IRGM: variants seen among roughly 807,000 people sequenced by gnomAD.
IRGM encodes immunity related GTPase M, also known as immunity-related GTPase family M protein.
For missense variants in IRGM, 288 were observed against 219.9 expected, an observed-to-expected ratio of 1.31 and a Z score of -1.96; for synonymous variants, 98 against 80.6, an observed-to-expected ratio of 1.22 and a Z score of -1.16.
downstream of IRGM, among the ~76,000 whole-genome samples, chr5:150,852,613 A>G (rs1236617594): frequency 6.6e-6 from 1 of 152,144 alleles, no homozygotes; most frequent in Non-Finnish European, 1.5e-5. Flanking sequence ...TAAGGATGAA[A>G]GCTGGTACCC....
At position 150,848,357 on chromosome 5, in the gene IRGM, T is replaced by G. The variant is rs1451113614; in HGVS notation, c.234T>G (p.Tyr78Ter). The G allele has an allele frequency of 2.6e-6, 4 of 1,551,848 alleles. No individual in the cohort carries two copies. The highest frequency in any genetic ancestry group is 2.4e-5 in the East Asian group (1 of 41,066). The change falls in exon 2 of 2, where the codon TAT becomes TAG. Residue 78 changes from tyrosine (Y) to a stop codon, truncating the protein, a stop_gained. Transcript: ENST00000522154. LOFTEE classifies it low-confidence loss of function (END_TRUNC). ...LVKATQRCAS[Y>*]FSSHFSNVVL... is the part of the protein sequence containing the mutation. ...AAGCTACCCAAAGATGTGCCTCCTA[T>G]TTCTCTTCCCACTTTTCAAATGTGG...
intron 3 of IRGM, among the ~76,000 whole-genome samples, chr5:150,881,605 G>C (rs1458825317): frequency 6.6e-6 from 1 of 152,072 alleles, no homozygotes; most frequent in Non-Finnish European, 1.5e-5. Flanking sequence ...GGTGGTGTGT[G>C]AATCACCTAT....
chr5:150,850,691 C>A (rs74959468), downstream of IRGM, among the ~76,000 whole-genome samples: 5,930 of 152,196 alleles, frequency 0.039, 193 homozygotes, highest in East Asian at 0.18. Flanking sequence ...GTAGCTAGGA[C>A]CACAAGCACA....
At chr5:150,855,411 GT>G (rs1210927603) in intron 1 of IRGM, among the ~76,000 whole-genome samples, 11 of 152,136 alleles carry the variant, frequency 7.2e-5, no homozygotes, top group Non-Finnish European at 1.6e-4. Flanking sequence ...TTAGTAAGTA[GT>G]TGAATTTTAT....
rs1754819427 is a variant in IRGM at position 150,897,097 on chromosome 5, A to G, written c.*141-3492A>G. On this transcript the variant is annotated intron_variant and NMD_transcript_variant, in intron 3 of 3. Transcript: ENST00000520549. ...CACAAAAAAAGGATGGAAACAGGTC[A>G]TCTCAGAAGACAGTACAGCATATAG... 4 of 699,320 alleles carry G rather than the reference A, an allele frequency of 5.7e-6. No homozygotes were observed. The South Asian group carries it at 7.8e-5, about 14-fold the overall frequency. 43.3% of individuals were successfully genotyped at this position (699,320 alleles called of 1,614,324 possible).
At chr5:150,866,815 G>C (rs1240803353) in intron 1 of IRGM, among the ~76,000 whole-genome samples, 1 of 152,102 alleles carries the variant, frequency 6.6e-6, no homozygotes, top group Admixed American at 6.5e-5. Flanking sequence ...TCAAAAATGT[G>C]AAGTAGATTG....
chr5:150,896,338 C>T (rs1157505063), intron 3 of IRGM: 1 of 1,613,596 alleles, frequency 6.2e-7, no homozygotes, highest in Non-Finnish European at 8.5e-7. Flanking sequence ...TTTCCGCATG[C>T]ACCACAATCA....
In IRGM at chr5:150,893,336, GT is replaced by G. The variant is rs1754648236; in HGVS notation, c.*141-7249del. 2.6e-5 allele frequency among the ~76,000 whole-genome samples: 4 copies of G among 152,212 alleles called. No homozygotes were observed. In the South Asian group the frequency reaches 8.3e-4, roughly 32 times the overall value. Reference sequence around the variant, plus strand: ...ACACCACATTGCCTTAATTACCACTGTTTTATAAGAAGTCTAATAAGTTATC... The same window carrying G: ...ACACCACATTGCCTTAATTACCACTGTTTATAAGAAGTCTAATAAGTTATC... On this transcript the variant is annotated intron_variant and NMD_transcript_variant, in intron 3 of 3. Coordinates refer to the IRGM transcript ENST00000520549.
At chr5:150,874,694 A>T (rs1028517712) in intron 1 of IRGM, among the ~76,000 whole-genome samples, 1 of 152,228 alleles carries the variant, frequency 6.6e-6, no homozygotes, top group African/African-American at 2.4e-5. Flanking sequence ...CATTTGGGCC[A>T]TATGACCCAG....
intron 3 of IRGM, among the ~76,000 whole-genome samples, chr5:150,888,197 C>A (rs1251698930): frequency 6.6e-6 from 1 of 151,892 alleles, no homozygotes; most frequent in African/African-American, 2.4e-5. Context: ...AGACTTTAAA[C>A]CAGCAAAGAT....
chr5:150,877,150 A>T (rs1754376888), intron 1 of IRGM, among the ~76,000 whole-genome samples: 1 of 152,146 alleles, frequency 6.6e-6, no homozygotes, highest in African/African-American at 2.4e-5. Flanking sequence ...GTTCAAGTTG[A>T]CAAGGGGAGG....
At chr5:150,848,738 C>T (rs1340849501), downstream of IRGM, 4 of 1,088,464 alleles carry the variant, frequency 3.7e-6, no homozygotes, top group Middle Eastern at 2.7e-4. Flanking sequence ...TCACTGGACT[C>T]ATTGAAACAC....
At chr5:150,851,321 C>T (rs1753971659), downstream of IRGM, among the ~76,000 whole-genome samples, 1 of 152,122 alleles carries the variant, frequency 6.6e-6, no homozygotes, top group Admixed American at 6.5e-5. Context: ...CTTCCTCCCC[C>T]TTATCTGTCG....
intron 3 of IRGM, chr5:150,900,497 A>G (rs1754957136): frequency 6.6e-6 from 1 of 152,116 alleles, no homozygotes; most frequent in South Asian, 2.1e-4. Flanking sequence ...TGTCTGCTAC[A>G]GAACTTTTAT....
intron 1 of IRGM, among the ~76,000 whole-genome samples, chr5:150,870,181 C>T (rs1441063718): frequency 1.3e-5 from 2 of 152,086 alleles, no homozygotes; most frequent in Admixed American, 6.6e-5. Context: ...TATAACTAGG[C>T]TCAAACACAT....
intron 3 of IRGM, chr5:150,897,900 A>C: frequency 2.6e-6 from 2 of 761,652 alleles, no homozygotes; most frequent in Admixed American, 3.1e-5. Context: ...AAGAGACAGG[A>C]TCAACAACAA....
At chr5:150,854,534 G>A (rs952217587) in intron 1 of IRGM, among the ~76,000 whole-genome samples, 2 of 152,096 alleles carry the variant, frequency 1.3e-5, no homozygotes, top group Non-Finnish European at 2.9e-5. Flanking sequence ...ACCTGGGGGT[G>A]CATTTATTTT....
chr5:150,895,788 T>C (rs762971703), intron 3 of IRGM: 1 of 1,613,648 alleles, frequency 6.2e-7, no homozygotes, highest in Non-Finnish European at 8.5e-7. Flanking sequence ...ATGTGTTCTC[T>C]GATGTATGAT....
In IRGM at chr5:150,848,539, A is replaced by G. The variant is rs1282432028; in HGVS notation, c.416A>G (p.Lys139Arg). The G allele has an allele frequency of 6.4e-7, 1 of 1,551,778 alleles. No individual in the cohort carries two copies. The highest frequency in any genetic ancestry group is 1.4e-5 in the African/African-American group (1 of 73,064). The change falls in exon 2 of 2, where the codon AAG (lysine) becomes AGG (arginine). Residue 139 changes from lysine (K) to arginine (R), a missense_variant. Physicochemically the swap from Lys to Arg is conservative, Grantham distance 26. Transcript: ENST00000522154. ...MLAKTAEDMG[K>R]KFYIVWTKLD... ...GCCAAAACCGCTGAGGACATGGGAAAGAAGTTCTACATTGTCTGGACCAAG... is the reference window on the plus strand; with the variant it reads ...GCCAAAACCGCTGAGGACATGGGAAGGAAGTTCTACATTGTCTGGACCAAG...
Sources: allele counts gnomAD v4.1 joint callset (sites outside exome capture counted in the v4.1 genomes callset), GRCh38; gene constraint gnomAD v4.1.1; transcripts MANE v1.5; gene names NCBI Gene and HGNC (gene_info 2026-07-23, HGNC 2026-07-21).